Variants in USP37 observed in about 807,000 individuals in gnomAD.
USP37 encodes ubiquitin carboxyl-terminal hydrolase 37.
Under a neutral mutation model 124.0 loss-of-function variants are expected in USP37, and 27 were observed. The ratio of observed to expected loss-of-function variants is 0.22; its 90% CI spans 0.16 to 0.30. The LOEUF (loss-of-function observed/expected upper bound fraction) is 0.30, where lower values mean the gene tolerates loss of function less well. Among genes scored for constraint, USP37 ranks in the 10% least tolerant of loss-of-function variants. The probability of loss-of-function intolerance (pLI) is 1.00; values close to 1 mark genes in which losing one functional copy is unlikely to be tolerated. For synonymous variants in USP37, 365 were observed against 388.0 expected, an observed-to-expected ratio of 0.94 and a Z score of 0.70; for missense variants, 889 against 1,140.4, an observed-to-expected ratio of 0.78 and a Z score of 3.17.
At chr2:218,537,100 G>A (rs2106032355) in intron 8 of USP37, among the ~76,000 whole-genome samples, 1 of 152,226 alleles carries the variant, frequency 6.6e-6, no homozygotes, top group East Asian at 1.9e-4. Flanking sequence ...CCCTTAAAAT[G>A]GGTCAATTAC....
intron 3 of USP37, among the ~76,000 whole-genome samples, chr2:218,559,723 C>T (rs189620527): frequency 6.6e-6 from 1 of 152,232 alleles, no homozygotes; most frequent in African/African-American, 2.4e-5. Context: ...AAAAAATGGC[C>T]GGACACAGTG....
intron 16 of USP37, among the ~76,000 whole-genome samples, chr2:218,482,631 T>A (rs1471335986): frequency 6.6e-6 from 1 of 152,238 alleles, no homozygotes; most frequent in African/African-American, 2.4e-5. Context: ...ATTAAAATGT[T>A]ACATAGCTCT....
At chr2:218,541,535 T>G (rs1396030626) in intron 8 of USP37, among the ~76,000 whole-genome samples, 1 of 152,096 alleles carries the variant, frequency 6.6e-6, no homozygotes, top group Non-Finnish European at 1.5e-5. Flanking sequence ...ATCCCTCAGA[T>G]GAAGATCTCG....
At chr2:218,552,179 T>G (rs535807217) in intron 5 of USP37, among the ~76,000 whole-genome samples, 1 of 152,288 alleles carries the variant, frequency 6.6e-6, no homozygotes, top group African/African-American at 2.4e-5. Context: ...AGGTACTAAA[T>G]GGCAAACAAT....
chr2:218,512,694 T>C (rs947703300), intron 10 of USP37, among the ~76,000 whole-genome samples: 9 of 152,154 alleles, frequency 5.9e-5, no homozygotes, highest in Non-Finnish European at 1.0e-4. Context: ...TCCTCTAACC[T>C]AAAAGTCGGC....
intron 22 of USP37, among the ~76,000 whole-genome samples, 186 bp from the exon 23 acceptor site, chr2:218,460,091 C>CA (rs55945023): frequency 0.32 from 37,733 of 117,998 alleles, 6,639 homozygotes; most frequent in Non-Finnish European, 0.38. Flanking sequence ...ACTAAAAATA[C>CA]AAAAAAAAAA....
intron 10 of USP37, among the ~76,000 whole-genome samples, chr2:218,526,901 G>A (rs1357966784): frequency 2.2e-5 from 3 of 138,144 alleles, no homozygotes; most frequent in Non-Finnish European, 3.0e-5. Context: ...CCATTCACCC[G>A]CCTCAGCCTC....
chr2:218,541,259 T>C (rs776663348), intron 8 of USP37, among the ~76,000 whole-genome samples: 4 of 152,172 alleles, frequency 2.6e-5, no homozygotes, highest in Non-Finnish European at 4.4e-5. Context: ...GTTATGGCTG[T>C]TACCTAGCTA....
chr2:218,513,986 T>TA (rs1283828600), intron 10 of USP37, among the ~76,000 whole-genome samples: 1 of 151,828 alleles, frequency 6.6e-6, no homozygotes, highest in Admixed American at 6.6e-5. Context: ...ATTTTTTTTT[T>TA]AACTGTATTT....
chr2:218,480,849 C>T (rs1460691824), intron 17 of USP37, among the ~76,000 whole-genome samples: 4 of 152,288 alleles, frequency 2.6e-5, no homozygotes, highest in East Asian at 1.9e-4. Context: ...CAAGCAAAAA[C>T]GTGAAAAGCT....
At position 218,509,984 on chromosome 2, in the gene USP37, C is replaced by T; in HGVS notation, c.1020G>A (p.Leu340=). Residue 340 remains leucine (L), a synonymous_variant, in exon 11 of 26, where the codon CTG becomes CTA. Coordinates refer to ENST00000258399, the MANE Select transcript of USP37 (RefSeq NM_020935.3). ...VPLSSHQQQQ[L]QGFSNLGNTC... is the part of the protein sequence containing the mutation. ...AAATGAAAGAATTGACCTACCCCTG[C>T]AGTTGCTGCTGTTGGTGAGAGGAAA... The T allele has an allele frequency of 6.4e-7, 1 of 1,560,228 alleles. No homozygotes were observed. The highest frequency in any genetic ancestry group is 8.7e-7 in the Non-Finnish European group (1 of 1,146,980).
intron 20 of USP37, among the ~76,000 whole-genome samples, chr2:218,470,971 G>A (rs1350789493): frequency 6.6e-6 from 1 of 152,178 alleles, no homozygotes; most frequent in Non-Finnish European, 1.5e-5. Context: ...GGGAGAGAGG[G>A]AGGGAGAAAA....
At chr2:218,480,985 G>GA (rs1454725456) in intron 17 of USP37, among the ~76,000 whole-genome samples, 1 of 152,094 alleles carries the variant, frequency 6.6e-6, no homozygotes, top group Admixed American at 6.6e-5. Context: ...ATGACTTTAG[G>GA]AAAATCATTT....
In USP37 at chr2:218,549,928, AT is replaced by A. The variant is rs768993010; in HGVS notation, c.329-20del. On this transcript the variant is annotated intron_variant, in intron 5 of 25. Coordinates refer to ENST00000258399, the MANE Select transcript of USP37 (RefSeq NM_020935.3). ...TTCATGGCTGGTGACCAAAAATATA[AT>A]TTTTTTTAAAATCCCCAAATCACTC... 2.7e-5 allele frequency: 42 copies of A among 1,566,290 alleles called. No homozygotes were observed. Among genetic ancestry groups the A allele is most frequent in the Middle Eastern group, 1.7e-4 (1 of 5,820 alleles).
At chr2:218,535,347 C>A (rs1393702081) in intron 8 of USP37, among the ~76,000 whole-genome samples, 3 of 148,300 alleles carry the variant, frequency 2.0e-5, no homozygotes, top group African/African-American at 7.5e-5. Context: ...GCTTGGGCAA[C>A]AGAGTGAGTC....
intron 10 of USP37, among the ~76,000 whole-genome samples, chr2:218,516,533 C>T: frequency 6.6e-6 from 1 of 151,730 alleles, no homozygotes; most frequent in East Asian, 1.9e-4. Context: ...CACATGGGGG[C>T]CTGTCAGGGG....
In USP37 at chr2:218,457,168, A is replaced by G. The variant is rs1402858362; in HGVS notation, c.2644-7T>C. On this transcript the variant is annotated splice_polypyrimidine_tract_variant and splice_region_variant and intron_variant, in intron 23 of 25. Coordinates refer to ENST00000258399, the MANE Select transcript of USP37 (RefSeq NM_020935.3). ...AATGAGGCAGATTTCCTGTCTGGAA[A>G]ACAGAAGTGGGTATAACTTTTAAGT... 6.2e-7 allele frequency: 1 copy of G among 1,613,140 alleles called. No individual in the cohort carries two copies. Among genetic ancestry groups the G allele is most frequent in the African/African-American group, 1.3e-5 (1 of 75,040 alleles).
chr2:218,552,904 C>T (rs368105821), intron 5 of USP37, among the ~76,000 whole-genome samples: 1 of 151,494 alleles, frequency 6.6e-6, no homozygotes, highest in East Asian at 1.9e-4. Flanking sequence ...GGTGTTAGAG[C>T]AAGACTCCAT....
chr2:218,547,057 T>C lies in USP37; in HGVS notation c.464A>G (p.Asp155Gly), dbSNP rs1692370746. The C allele has an allele frequency of 5.0e-6, 8 of 1,603,610 alleles. No individual in the cohort carries two copies. The highest frequency in any genetic ancestry group is 1.3e-5 in the African/African-American group (1 of 74,214). Residue 155 changes from aspartate to glycine, a missense_variant, in exon 7 of 26, where the codon GAT becomes GGT. Asp to Gly is a moderately conservative substitution (Grantham distance 94). Transcript: ENST00000258399. ...SAKRGSLETK[D>G]DIPFRKVLGN... The stretch of plus-strand genomic sequence containing the variant: ...AAGAACTTTTCGAAATGGAATATCA[T>C]CTTTAGTTTCCAAACTTCCTCTTTT...
Sources: allele counts gnomAD v4.1 joint callset (sites outside exome capture counted in the v4.1 genomes callset), GRCh38; gene constraint gnomAD v4.1.1; transcripts MANE v1.5; gene names NCBI Gene and HGNC (gene_info 2026-07-23, HGNC 2026-07-21).